Variants in SLIT3 observed in about 807,000 individuals in gnomAD.
The protein encoded by SLIT3 is slit guidance ligand 3, also known as slit homolog 3 protein.
Under a neutral mutation model 184.0 loss-of-function variants are expected in SLIT3, and 68 were observed. The observed-to-expected ratio is 0.37, with a 90% CI of 0.30 to 0.45. The LOEUF is 0.45. Ranked by LOEUF, SLIT3 falls within the 20% of genes least tolerant of loss-of-function variation. The pLI, the probability that SLIT3 is intolerant of heterozygous loss-of-function variation, is 1.00. For synonymous variants in SLIT3, 831 were observed against 828.6 expected (o/e 1.00, Z -0.05); for missense variants, 1,707 against 2,026.0 (o/e 0.84, Z 3.02).
chr5:169,129,703 T>C (rs1188572722), intron 4 of SLIT3, among the ~76,000 whole-genome samples: 3 of 152,096 alleles, frequency 2.0e-5, no homozygotes, highest in African/African-American at 7.2e-5. Context: ...GAATGCAACA[T>C]GGCACTGCGG....
intron 1 of SLIT3, among the ~76,000 whole-genome samples, chr5:169,285,214 G>A (rs912670067): frequency 6.6e-6 from 1 of 152,108 alleles, no homozygotes; most frequent in African/African-American, 2.4e-5. Context: ...ACTGCACCTG[G>A]GCCTGAATAC....
intron 4 of SLIT3, among the ~76,000 whole-genome samples, chr5:169,036,966 A>G (rs1036996913): frequency 6.6e-6 from 1 of 152,202 alleles, no homozygotes. Flanking sequence ...CTGAACCACA[A>G]CACTTAACAC....
chr5:169,211,730 C>A (rs1764271740), intron 3 of SLIT3, among the ~76,000 whole-genome samples: 1 of 152,102 alleles, frequency 6.6e-6, no homozygotes, highest in African/African-American at 2.4e-5. Context: ...TTGGGGGGTT[C>A]CCGCACCCAT....
intron 4 of SLIT3, among the ~76,000 whole-genome samples, chr5:169,186,725 A>T (rs1763350671): frequency 6.6e-6 from 1 of 152,164 alleles, no homozygotes; most frequent in Non-Finnish European, 1.5e-5. Context: ...CCTGTGATAA[A>T]AGCAGAAAAT....
intron 26 of SLIT3, among the ~76,000 whole-genome samples, chr5:168,704,417 A>G (rs1298611021): frequency 1.3e-5 from 2 of 152,146 alleles, no homozygotes; most frequent in African/African-American, 2.4e-5. Flanking sequence ...GAGTATTCTC[A>G]GTTACAGGTG....
intron 4 of SLIT3, among the ~76,000 whole-genome samples, chr5:169,096,699 A>C (rs1404812221): frequency 2.6e-5 from 4 of 152,196 alleles, no homozygotes; most frequent in Admixed American, 2.0e-4. Context: ...CTACTGATAT[A>C]TATTGAGCCA....
intron 4 of SLIT3, among the ~76,000 whole-genome samples, chr5:168,999,396 C>T (rs1202747674): frequency 6.6e-6 from 1 of 151,398 alleles, no homozygotes; most frequent in African/African-American, 2.4e-5. Flanking sequence ...GTAATAATTA[C>T]CCCCATCCCA....
rs1203018583 is a variant in SLIT3, at chr5:168,662,242, A to G, written c.*4212T>C. 1 of 152,286 alleles carries G rather than the reference A, an allele frequency of 6.6e-6. No homozygotes were observed. The highest frequency in any genetic ancestry group is 1.5e-5 in the Non-Finnish European group (1 of 68,084). The allele number at this position is 152,286 out of a possible 1,614,324, so 9.4% of individuals were successfully genotyped here. A position where few individuals can be genotyped will look rare whatever the true frequency, so the allele number is the denominator to read the frequency against. ...ACCCTCAGTTTTCCTGCCTACCAGTAATGCCCTATGACTCCTCCAGCTCTG... is the reference window on the plus strand; with the variant it reads ...ACCCTCAGTTTTCCTGCCTACCAGTGATGCCCTATGACTCCTCCAGCTCTG... On this transcript the variant is annotated 3_prime_UTR_variant, in exon 36 of 36. Coordinates refer to ENST00000519560, the MANE Select transcript of SLIT3 (RefSeq NM_003062.4).
intron 4 of SLIT3, among the ~76,000 whole-genome samples, chr5:169,189,901 C>T (rs1581035948): frequency 6.6e-6 from 1 of 152,080 alleles, no homozygotes; most frequent in Admixed American, 6.6e-5. Flanking sequence ...TGTTTACTAG[C>T]GCTATTATCT....
chr5:169,265,723 C>T (rs549557110), intron 1 of SLIT3, among the ~76,000 whole-genome samples: 10 of 152,260 alleles, frequency 6.6e-5, no homozygotes, highest in South Asian at 6.2e-4. Context: ...TGAGATGATA[C>T]GTATAAAGTG....
chr5:168,848,958 T>C (rs922061594), intron 5 of SLIT3, among the ~76,000 whole-genome samples: 2 of 152,148 alleles, frequency 1.3e-5, no homozygotes, highest in Non-Finnish European at 2.9e-5. Flanking sequence ...ATCTAAATCC[T>C]TTACAAAGGG....
intron 4 of SLIT3, among the ~76,000 whole-genome samples, chr5:169,056,195 G>T (rs1757997247): frequency 6.6e-6 from 1 of 152,118 alleles, no homozygotes; most frequent in South Asian, 2.1e-4. Flanking sequence ...GGTCTCAGTA[G>T]GTTTGGAACC....
At chr5:168,755,402 T>TTCC (rs1554138486) in intron 16 of SLIT3, among the ~76,000 whole-genome samples, 1 of 17,718 alleles carries the variant, frequency 5.6e-5, no homozygotes, top group East Asian at 1.9e-3. Context: ...TCTTTCTTTC[T>TTCC]TTCTTTCTTT....
intron 4 of SLIT3, among the ~76,000 whole-genome samples, chr5:169,090,766 C>A (rs1024356538): frequency 6.6e-6 from 1 of 152,186 alleles, no homozygotes. Flanking sequence ...CACCACAAGC[C>A]AAGGAATGCT....
chr5:169,102,245 A>G (rs1173109713), intron 4 of SLIT3, among the ~76,000 whole-genome samples: 1 of 152,174 alleles, frequency 6.6e-6, no homozygotes, highest in African/African-American at 2.4e-5. Flanking sequence ...GGGAGAGTTG[A>G]AATCACTCCC....
intron 25 of SLIT3, 92 bp downstream of exon 25, chr5:168,710,803 A>T: frequency 1.8e-6 from 2 of 1,134,660 alleles, no homozygotes; most frequent in Non-Finnish European, 2.3e-6. Context: ...TTCTGAAGCC[A>T]CATCTGTTGA....
At chr5:169,148,312 C>A (rs1158816513) in intron 4 of SLIT3, among the ~76,000 whole-genome samples, 1 of 152,212 alleles carries the variant, frequency 6.6e-6, no homozygotes, top group Admixed American at 6.5e-5. Context: ...CAACTATACA[C>A]ATGCTTGGGC....
chr5:168,946,694 C>A (rs1023161585), intron 4 of SLIT3, among the ~76,000 whole-genome samples: 2 of 152,162 alleles, frequency 1.3e-5, no homozygotes, highest in African/African-American at 4.8e-5. Context: ...ATCCCCTCTG[C>A]GGCCTGCCTG....
Position 169,140,760 on chromosome 5 carries a change from G to A in SLIT3, c.413+52719C>T, listed in dbSNP as rs141671906. Among the ~76,000 whole-genome samples the A allele has an allele frequency of 4.9e-3, 743 of 152,244 alleles. 4 individuals carry two copies. The highest frequency in any genetic ancestry group is 7.7e-3 in the Non-Finnish European group (523 of 68,016). On this transcript the variant is annotated intron_variant, in intron 4 of 35. Transcript: ENST00000519560. ...GGCTGCAGTGAGCCATGATCACGCCGTCGCATTCCAATGTGGGTCACAGAG... is the reference window on the plus strand; with the variant it reads ...GGCTGCAGTGAGCCATGATCACGCCATCGCATTCCAATGTGGGTCACAGAG...
Sources: gnomAD v4.1 joint callset for allele counts (sites outside exome capture counted in the v4.1 genomes callset) on GRCh38, gnomAD v4.1.1 for gene constraint, MANE v1.5 for transcripts, NCBI Gene and HGNC (gene_info 2026-07-23, HGNC 2026-07-21) for gene names.